MIPOL1: variants seen among roughly 807,000 people sequenced by gnomAD.
The protein encoded by MIPOL1 is mirror-image polydactyly gene 1 protein.
Under a neutral mutation model 60.9 loss-of-function variants are expected in MIPOL1, and 57 were observed. The ratio of observed to expected loss-of-function variants is 0.94; its 90% CI spans 0.76 to 1.17. The LOEUF (loss-of-function observed/expected upper bound fraction) is 1.17, where lower values mean the gene tolerates loss of function less well. MIPOL1 is among the 50% of genes most tolerant of loss of function. The pLI, the probability that MIPOL1 is intolerant of heterozygous loss-of-function variation, is 0.00. For missense variants in MIPOL1, 551 were observed against 511.6 expected, an observed-to-expected ratio of 1.08 and a Z score of -0.74; for synonymous variants, 179 against 168.8, an observed-to-expected ratio of 1.06 and a Z score of -0.47.
chr14:37,231,028 A>G (rs1319145141), intron 1 of MIPOL1, among the ~76,000 whole-genome samples: 1 of 152,110 alleles, frequency 6.6e-6, no homozygotes, highest in Non-Finnish European at 1.5e-5. Flanking sequence ...GTGAGTTTTT[A>G]TTGGTCTGTC....
chr14:37,316,993 A>T (rs1236460827), intron 9 of MIPOL1, among the ~76,000 whole-genome samples: 1 of 152,100 alleles, frequency 6.6e-6, no homozygotes, highest in African/African-American at 2.4e-5. Context: ...ACAAACAAAC[A>T]AACAAACAAA....
intron 9 of MIPOL1, among the ~76,000 whole-genome samples, chr14:37,357,993 T>C (rs923761212): frequency 6.6e-6 from 1 of 151,780 alleles, no homozygotes; most frequent in African/African-American, 2.4e-5. Flanking sequence ...TCCCCCAGCT[T>C]CCTGCCCCCT....
At chr14:37,380,566 T>C (rs762960156) in intron 10 of MIPOL1, among the ~76,000 whole-genome samples, 1 of 152,092 alleles carries the variant, frequency 6.6e-6, no homozygotes, top group Admixed American at 6.6e-5. Flanking sequence ...ACCTCTGCCA[T>C]GAAAGGAATA....
intron 11 of MIPOL1, among the ~76,000 whole-genome samples, chr14:37,488,475 A>G (rs1266034475): frequency 6.6e-6 from 1 of 152,068 alleles, no homozygotes; most frequent in African/African-American, 2.4e-5. Flanking sequence ...GTGGGTCTCT[A>G]AGAACTTGCT....
chr14:37,350,629 A>C (rs1567588705), intron 9 of MIPOL1, among the ~76,000 whole-genome samples: 1 of 152,102 alleles, frequency 6.6e-6, no homozygotes, highest in Non-Finnish European at 1.5e-5. Flanking sequence ...GTTATCATTG[A>C]TTATAGTTAC....
rs1202676424 is a variant in MIPOL1, at chr14:37,247,913, G to A, written c.19+6G>A. The A allele has an allele frequency of 1.2e-6, 2 of 1,612,932 alleles. No individual in the cohort carries two copies. The highest frequency in any genetic ancestry group is 4.5e-5 in the East Asian group (2 of 44,770). ...AATGGAGAACTGGTCAAAAGGTAAGGACTTTTAAGGTATTAATACCAAGCC... is the reference window on the plus strand; with the variant it reads ...AATGGAGAACTGGTCAAAAGGTAAGAACTTTTAAGGTATTAATACCAAGCC... On this transcript the variant is annotated splice_donor_region_variant and intron_variant, in intron 3 of 12. Transcript: ENST00000684589.
intron 10 of MIPOL1, among the ~76,000 whole-genome samples, chr14:37,376,126 C>G (rs1347158911): frequency 2.0e-5 from 3 of 152,180 alleles, no homozygotes; most frequent in Non-Finnish European, 4.4e-5. Flanking sequence ...ACCTCTCCCA[C>G]TATCAACATC....
rs1044569670 is a variant in MIPOL1, at chr14:37,550,715, T to C, written c.*3744T>C. ...TATGTCATCTCTAGAAAAGATGTGGTTTGTTTTGGCACTGTTTTAAAAACT... is the reference window on the plus strand; with the variant it reads ...TATGTCATCTCTAGAAAAGATGTGGCTTGTTTTGGCACTGTTTTAAAAACT... On this transcript the variant is annotated 3_prime_UTR_variant, in exon 13 of 13. Transcript: ENST00000684589. 1 of 152,508 alleles carries C rather than the reference T, an allele frequency of 6.6e-6. No homozygotes were observed. The highest frequency in any genetic ancestry group is 2.4e-5 in the African/African-American group (1 of 41,438). The allele number at this position is 152,508 out of a possible 1,614,324, so 9.4% of individuals were successfully genotyped here. A position where few individuals can be genotyped will look rare whatever the true frequency, so the allele number is the denominator to read the frequency against.
intron 12 of MIPOL1, among the ~76,000 whole-genome samples, chr14:37,518,426 C>T (rs1352411781): frequency 6.6e-6 from 1 of 152,076 alleles, no homozygotes; most frequent in African/African-American, 2.4e-5. Flanking sequence ...CTTCCGCCTC[C>T]CGGGTTCAAG....
rs533864862 is a variant in MIPOL1 at position 37,317,131 on chromosome 14, A to G, written c.828+8612A>G. On this transcript the variant is annotated intron_variant, in intron 9 of 12. Transcript: ENST00000684589. ...ACTTTCATTTTAACAGATGTATGCA[A>G]AGCATTTGGATAGATACAGATGCTG... Among the ~76,000 whole-genome samples, 9 of 152,322 alleles carry G rather than the reference A, an allele frequency of 5.9e-5. No homozygotes were observed. In the East Asian group the frequency reaches 9.6e-4, roughly 16 times the overall value.
At chr14:37,438,236 ACAAATT>A (rs1436379647) in intron 11 of MIPOL1, among the ~76,000 whole-genome samples, 1 of 152,216 alleles carries the variant, frequency 6.6e-6, no homozygotes. Flanking sequence ...TCCAAAGAGT[ACAAATT>A]CAAAGTATAA....
intron 1 of MIPOL1, among the ~76,000 whole-genome samples, chr14:37,206,752 G>A (rs1342292579): frequency 6.6e-6 from 1 of 152,256 alleles, no homozygotes; most frequent in Non-Finnish European, 1.5e-5. Context: ...ACCTGCATGT[G>A]AGACATGGAG....
intron 10 of MIPOL1, among the ~76,000 whole-genome samples, chr14:37,388,473 G>T (rs61988193): frequency 1.3e-5 from 2 of 149,470 alleles, no homozygotes; most frequent in Admixed American, 1.3e-4. Flanking sequence ...GATTATTTTT[G>T]GGTTTTTTTT....
chr14:37,521,139 G>A, intron 12 of MIPOL1, among the ~76,000 whole-genome samples: 1 of 151,804 alleles, frequency 6.6e-6, no homozygotes, highest in Non-Finnish European at 1.5e-5. Flanking sequence ...GTTTCACCAT[G>A]TTGGCCTGGC....
At position 37,448,888 on chromosome 14, in the gene MIPOL1, T is replaced by C. The variant is rs567129748; in HGVS notation, c.1031+25939T>C. Among the ~76,000 whole-genome samples the C allele has an allele frequency of 2.0e-5, 3 of 152,368 alleles. No individual in the cohort carries two copies. In the South Asian group the frequency reaches 6.2e-4, roughly 32 times the overall value. On this transcript the variant is annotated intron_variant, in intron 11 of 12. Transcript: ENST00000684589. ...TTTTGCATTAATCAATATTTTCTAA[T>C]GAACGTATAATGTGTTCAAATTCCA...
At chr14:37,353,252 A>T (rs2091541133) in intron 9 of MIPOL1, among the ~76,000 whole-genome samples, 2 of 141,810 alleles carry the variant, frequency 1.4e-5, no homozygotes, top group East Asian at 4.1e-4. Flanking sequence ...CCCAGGGATG[A>T]AGCCCACTTG....
At chr14:37,399,189 A>G (rs1452152847) in intron 10 of MIPOL1, among the ~76,000 whole-genome samples, 3 of 152,192 alleles carry the variant, frequency 2.0e-5, no homozygotes, top group African/African-American at 7.2e-5. Flanking sequence ...TCAGTTTCAT[A>G]GACCAATCAT....
intron 6 of MIPOL1, chr14:37,276,657 T>C (rs1363351627): frequency 6.6e-6 from 1 of 151,210 alleles, no homozygotes; most frequent in African/African-American, 2.4e-5. Context: ...CTTTAAGAAA[T>C]AGTACATATT....
intron 6 of MIPOL1, chr14:37,276,637 T>C (rs2083681417): frequency 6.6e-6 from 1 of 151,206 alleles, no homozygotes; most frequent in Non-Finnish European, 1.5e-5. Context: ...GAAAATGGCA[T>C]AACTTTTATC....
Sources: allele counts gnomAD v4.1 joint callset (sites outside exome capture counted in the v4.1 genomes callset), GRCh38; gene constraint gnomAD v4.1.1; transcripts MANE v1.5; gene names NCBI Gene and HGNC (gene_info 2026-07-23, HGNC 2026-07-21).